OR5D3: variants seen among roughly 807,000 people sequenced by gnomAD.
The protein encoded by OR5D3 is olfactory receptor 5D3.
chr11:55,728,304 T>C, the OR5D3 span: 15,497 of 152,124 alleles, frequency 0.1, 956 homozygotes, highest in African/African-American at 0.16. Flanking sequence ...AAGTTATCTA[T>C]TTCTTGTAGA....
the OR5D3 span, chr11:55,727,705 GATA>G: frequency 2.0e-5 from 3 of 151,920 alleles, no homozygotes; most frequent in African/African-American, 4.8e-5. Context: ...CTTTATGCAT[GATA>G]ATAAGAAGAT....
chr11:55,725,906 A>T, the OR5D3 span, among the ~76,000 whole-genome samples: 1 of 152,098 alleles, frequency 6.6e-6, no homozygotes, highest in Non-Finnish European at 1.5e-5. Flanking sequence ...AGATTCATGC[A>T]AACTTAGAGT....
chr11:55,729,056 G>C, the OR5D3 span: 16 of 151,800 alleles, frequency 1.1e-4, no homozygotes, highest in African/African-American at 3.9e-4. Context: ...AATTTGGTAG[G>C]TTTCTTTTAG....
At chr11:55,727,228 A>AGTT in the OR5D3 span, 1 of 397,126 alleles carries the variant, frequency 2.5e-6, no homozygotes, top group Non-Finnish European at 4.4e-6. Flanking sequence ...CATTGCATGA[A>AGTT]ATTATGATAA....
chr11:55,724,699 TAA>T, the OR5D3 span, among the ~76,000 whole-genome samples: 1 of 152,086 alleles, frequency 6.6e-6, no homozygotes, highest in African/African-American at 2.4e-5. Flanking sequence ...TTGGAATTGT[TAA>T]AGTCATTGGC....
At chr11:55,725,855 A>G in the OR5D3 span, among the ~76,000 whole-genome samples, 2 of 152,188 alleles carry the variant, frequency 1.3e-5, no homozygotes, top group South Asian at 4.1e-4. Context: ...AACTGTAGAA[A>G]AGTATATATT....
chr11:55,724,969 G>A, the OR5D3 span, among the ~76,000 whole-genome samples: 1 of 151,948 alleles, frequency 6.6e-6, no homozygotes, highest in Non-Finnish European at 1.5e-5. Context: ...ATATAGTTAT[G>A]ACTTAGACTA....
the OR5D3 span, among the ~76,000 whole-genome samples, chr11:55,724,264 T>G: frequency 6.6e-6 from 1 of 151,910 alleles, no homozygotes; most frequent in Non-Finnish European, 1.5e-5. Flanking sequence ...GCTCCCACCA[T>G]GTACTCAGCA....
the OR5D3 span, among the ~76,000 whole-genome samples, chr11:55,725,172 G>C: frequency 3.3e-5 from 5 of 151,914 alleles, no homozygotes; most frequent in South Asian, 1.0e-3. Flanking sequence ...TATCTAATAT[G>C]CTTTATACTG....
chr11:55,729,116 A>G, the OR5D3 span: 3 of 152,040 alleles, frequency 2.0e-5, 1 homozygote, highest in African/African-American at 7.3e-5. Flanking sequence ...TCCCTTTAAT[A>G]CAAGATTTTT....
At chr11:55,727,474 A>C in the OR5D3 span, 4 of 166,728 alleles carry the variant, frequency 2.4e-5, no homozygotes, top group African/African-American at 9.5e-5. Context: ...GAAGAATAGT[A>C]GTTTATAATG....
At chr11:55,726,433 T>A in the OR5D3 span, 1 of 471,542 alleles carries the variant, frequency 2.1e-6, no homozygotes, top group East Asian at 3.1e-5. Context: ...TTTCTGTTAT[T>A]CCACCACAAT....
At chr11:55,729,597 A>G in the OR5D3 span, 1 of 152,100 alleles carries the variant, frequency 6.6e-6, no homozygotes, top group Non-Finnish European at 1.5e-5. Context: ...TGATTATATT[A>G]CATAACACTT....
chr11:55,729,301 C>T, the OR5D3 span: 2 of 148,942 alleles, frequency 1.3e-5, no homozygotes, highest in Admixed American at 1.3e-4. Context: ...TAGCTATGGG[C>T]TATTTTTTTT....
the OR5D3 span, chr11:55,726,851 T>C: frequency 2.5e-6 from 1 of 399,020 alleles, no homozygotes; most frequent in Non-Finnish European, 4.4e-6. Flanking sequence ...AGCCTGGTGA[T>C]CATTCTCACT....
the OR5D3 span, chr11:55,726,389 T>A: frequency 2.1e-6 from 1 of 473,938 alleles, no homozygotes; most frequent in African/African-American, 2.0e-5. Context: ...CACACCCCTA[T>A]GTACTTTTTC....
chr11:55,723,857 C>T, the OR5D3 span: 1 of 371,512 alleles, frequency 2.7e-6, no homozygotes, highest in Non-Finnish European at 4.8e-6. Flanking sequence ...CTTATCTCTG[C>T]TATCTATGAG....
At chr11:55,723,863 A>G in the OR5D3 span, 10 of 372,902 alleles carry the variant, frequency 2.7e-5, no homozygotes, top group Non-Finnish European at 4.8e-5. Context: ...TCTGCTATCT[A>G]TGAGTTTTCT....
chr11:55,726,723 G>A, the OR5D3 span: 3 of 398,884 alleles, frequency 7.5e-6, no homozygotes. Flanking sequence ...CTTTTTGTAG[G>A]ACTAACTTCA....
Sources: allele counts gnomAD v4.1 joint callset (sites outside exome capture counted in the v4.1 genomes callset), GRCh38; gene constraint gnomAD v4.1.1; transcripts MANE v1.5; gene names NCBI Gene and HGNC (gene_info 2026-07-23, HGNC 2026-07-21).